Variants in SORCS3 observed in about 807,000 individuals in gnomAD.
SORCS3 encodes VPS10 domain-containing receptor SorCS3.
Under a neutral mutation model 146.3 loss-of-function variants are expected in SORCS3, and 57 were observed. That is an observed-to-expected ratio of 0.39 (90% CI 0.31 to 0.49). The LOEUF (loss-of-function observed/expected upper bound fraction) is 0.49, where lower values mean the gene tolerates loss of function less well. Ranked by LOEUF, SORCS3 falls within the 20% of genes least tolerant of loss-of-function variation. The pLI, the probability that SORCS3 is intolerant of heterozygous loss-of-function variation, is 0.92. For synonymous variants in SORCS3, 653 were observed against 618.5 expected, an observed-to-expected ratio of 1.06 and a Z score of -0.83; for missense variants, 1,341 against 1,575.5, an observed-to-expected ratio of 0.85 and a Z score of 2.52.
chr10:105,004,598 C>A (rs1317053580), intron 4 of SORCS3, among the ~76,000 whole-genome samples: 2 of 152,086 alleles, frequency 1.3e-5, no homozygotes, highest in Admixed American at 6.6e-5. Flanking sequence ...CAGATCCCTG[C>A]TGTTTGTTTT....
In SORCS3 at chr10:105,026,619, G is replaced by A. The variant is rs572138399; in HGVS notation, c.955-16436G>A. ...GGACTGGATAAAGAAAATGTGGTAC[G>A]TATACACCATGGAATACGACACAGC... On this transcript the variant is annotated intron_variant, in intron 4 of 26. Coordinates refer to ENST00000369701, the MANE Select transcript of SORCS3 (RefSeq NM_014978.3). Among the ~76,000 whole-genome samples, 15 of 152,258 alleles carry A rather than the reference G, an allele frequency of 9.9e-5. No individual in the cohort carries two copies. The South Asian group carries it at 1.0e-3, about 11-fold the overall frequency.
At chr10:104,727,044 A>G (rs994700276) in intron 1 of SORCS3, among the ~76,000 whole-genome samples, 6 of 152,160 alleles carry the variant, frequency 3.9e-5, no homozygotes, top group Non-Finnish European at 4.4e-5. Context: ...GCCTTTTGCC[A>G]TAAGTATTTG....
intron 2 of SORCS3, among the ~76,000 whole-genome samples, chr10:104,903,833 C>T (rs995065203): frequency 6.6e-6 from 1 of 152,094 alleles, no homozygotes; most frequent in African/African-American, 2.4e-5. Context: ...GAAACAGATA[C>T]AAGAATCCAT....
rs944228924 is a variant in SORCS3 at position 104,805,155 on chromosome 10, T to C, written c.628-37637T>C. On this transcript the variant is annotated intron_variant, in intron 1 of 26. Coordinates refer to ENST00000369701, the MANE Select transcript of SORCS3 (RefSeq NM_014978.3). ...TGCACTTCAGTTGCTTACCCTTGAG[T>C]AGAAGGAAGGAGACATGTACACAAA... Among the ~76,000 whole-genome samples the C allele has an allele frequency of 6.4e-4, 97 of 152,166 alleles. 5 individuals carry two copies. Among genetic ancestry groups the C allele is most frequent in the Non-Finnish European group, 1.0e-4 (7 of 67,986 alleles).
intron 2 of SORCS3, among the ~76,000 whole-genome samples, chr10:104,859,238 T>G: frequency 6.6e-6 from 1 of 152,180 alleles, no homozygotes; most frequent in Non-Finnish European, 1.5e-5. Flanking sequence ...CCATCTGATC[T>G]GATAGAGCCT....
intron 1 of SORCS3, among the ~76,000 whole-genome samples, chr10:104,838,609 G>A (rs185858179): frequency 5.6e-4 from 85 of 152,230 alleles, no homozygotes; most frequent in African/African-American, 1.9e-3. Flanking sequence ...GTGTGACCAC[G>A]CTGAGGTATC....
intron 1 of SORCS3, among the ~76,000 whole-genome samples, chr10:104,702,206 G>T (rs2016287962): frequency 6.6e-6 from 1 of 152,204 alleles, no homozygotes; most frequent in Admixed American, 6.5e-5. Flanking sequence ...GAAACACACT[G>T]TGTTTTCATA....
At chr10:105,016,067 A>G (rs536300409) in intron 4 of SORCS3, among the ~76,000 whole-genome samples, 1 of 148,490 alleles carries the variant, frequency 6.7e-6, no homozygotes, top group Non-Finnish European at 1.5e-5. Context: ...TAGGATCACA[A>G]GTGTTAGTAT....
chr10:105,101,350 C>T (rs904464282), intron 6 of SORCS3, among the ~76,000 whole-genome samples: 4 of 152,150 alleles, frequency 2.6e-5, no homozygotes, highest in African/African-American at 9.7e-5. Flanking sequence ...GCCAGGCCTG[C>T]CTGACAATTT....
At chr10:104,674,308 G>A (rs547339843) in intron 1 of SORCS3, among the ~76,000 whole-genome samples, 1 of 152,228 alleles carries the variant, frequency 6.6e-6, no homozygotes, top group African/African-American at 2.4e-5. Context: ...CTCCCCTGGG[G>A]TGTGGACTGG....
chr10:105,129,690 A>ACACAC (rs2056004168), intron 7 of SORCS3, among the ~76,000 whole-genome samples: 1 of 103,210 alleles, frequency 9.7e-6, no homozygotes, highest in South Asian at 3.2e-4. Flanking sequence ...CACACACACA[A>ACACAC]ATAGGAAAGA....
intron 1 of SORCS3, among the ~76,000 whole-genome samples, chr10:104,754,997 A>G (rs1342175942): frequency 1.3e-5 from 2 of 152,240 alleles, no homozygotes; most frequent in South Asian, 2.1e-4. Flanking sequence ...ATTAAATTAG[A>G]AAAGGTGCAA....
chr10:105,252,958 G>C, intron 23 of SORCS3, 52 bp downstream of exon 23: 7 of 1,587,036 alleles, frequency 4.4e-6, no homozygotes, highest in Non-Finnish European at 5.1e-6. Context: ...TACACCCTGA[G>C]AGGGCACAAA....
intron 1 of SORCS3, among the ~76,000 whole-genome samples, chr10:104,817,289 A>G (rs762111168): frequency 6.6e-6 from 1 of 151,830 alleles, no homozygotes; most frequent in Non-Finnish European, 1.5e-5. Flanking sequence ...TCAATTTTCA[A>G]TTGGCAATCA....
chr10:105,004,413 G>A (rs530296153), intron 4 of SORCS3, among the ~76,000 whole-genome samples: 72 of 152,224 alleles, frequency 4.7e-4, no homozygotes, highest in Non-Finnish European at 9.7e-4. Flanking sequence ...GGCCTGAAGG[G>A]GCAAGGACAG....
At chr10:104,956,049 T>TA (rs1376097233) in intron 3 of SORCS3, among the ~76,000 whole-genome samples, 3 of 151,920 alleles carry the variant, frequency 2.0e-5, no homozygotes, top group Non-Finnish European at 4.4e-5. Context: ...GTATGGAGTG[T>TA]AAAAAAGAGC....
At chr10:104,683,192 C>T (rs550207023) in intron 1 of SORCS3, among the ~76,000 whole-genome samples, 2 of 152,256 alleles carry the variant, frequency 1.3e-5, no homozygotes, top group African/African-American at 4.8e-5. Context: ...ATGAAGAGTC[C>T]AGGGAACAAA....
chr10:104,780,417 C>G (rs2017361049), intron 1 of SORCS3, among the ~76,000 whole-genome samples: 1 of 152,190 alleles, frequency 6.6e-6, no homozygotes, highest in African/African-American at 2.4e-5. Context: ...TCCCTTACCC[C>G]TCTCCTACAC....
chr10:104,798,383 T>G (rs1404631159), intron 1 of SORCS3, among the ~76,000 whole-genome samples: 3 of 151,976 alleles, frequency 2.0e-5, no homozygotes, highest in South Asian at 4.2e-4. Flanking sequence ...GAAGGGTGGG[T>G]TTTTTTTCTT....
Sources: gnomAD v4.1 joint callset for allele counts (sites outside exome capture counted in the v4.1 genomes callset) on GRCh38, gnomAD v4.1.1 for gene constraint, MANE v1.5 for transcripts, NCBI Gene and HGNC (gene_info 2026-07-23, HGNC 2026-07-21) for gene names.